Variants in CNKSR2 observed in about 807,000 individuals in gnomAD.
CNKSR2 encodes CNK homolog protein 2.
A neutral mutation model predicts 84.4 loss-of-function variants in CNKSR2; 14 were observed. The observed-to-expected ratio is 0.17, with a 90% CI of 0.11 to 0.26. CNKSR2 has a LOEUF of 0.26. Among genes scored for constraint, CNKSR2 ranks in the 10% least tolerant of loss-of-function variants. The probability of loss-of-function intolerance (pLI) is 1.00; values close to 1 mark genes in which losing one functional copy is unlikely to be tolerated. For missense variants in CNKSR2, 485 were observed against 771.2 expected (o/e 0.63, Z 4.40); for synonymous variants, 275 against 277.9 (o/e 0.99, Z 0.10).
Position 21,527,724 on chromosome X carries a change from G to A in CNKSR2, c.1091+724G>A, listed in dbSNP as rs141582075. On this transcript the variant is annotated intron_variant, in intron 10 of 21. Transcript: ENST00000379510. Reference sequence around the variant, plus strand: ...GTGAAATACAAAAATTATGGAAAAGGACTAGCACTAAATGGGGATCATTAA... The same window carrying A: ...GTGAAATACAAAAATTATGGAAAAGAACTAGCACTAAATGGGGATCATTAA... Among the ~76,000 whole-genome samples the A allele has an allele frequency of 5.4e-3, 596 of 110,848 alleles. 1 individual carries two copies. Among genetic ancestry groups the A allele is most frequent in the Non-Finnish European group, 8.7e-3 (457 of 52,648 alleles).
chrX:21,489,803 G>A (rs1330202001), intron 5 of CNKSR2, among the ~76,000 whole-genome samples: 1 of 111,615 alleles, frequency 9.0e-6, no homozygotes, highest in East Asian at 2.8e-4. Flanking sequence ...TCTACCTGAT[G>A]TAGGTGGTAG....
intron 20 of CNKSR2, chrX:21,641,405 C>A: frequency 1.2e-6 from 1 of 810,585 alleles, no homozygotes; most frequent in Non-Finnish European, 1.7e-6. Context: ...GCAATTCTAG[C>A]CATATTTTTC....
chrX:21,464,746 G>A (rs758916386), intron 4 of CNKSR2, among the ~76,000 whole-genome samples: 3 of 111,844 alleles, frequency 2.7e-5, no homozygotes, highest in Admixed American at 1.9e-4. Flanking sequence ...ATATTAGATA[G>A]GCTGCCTTGA....
chrX:21,396,081 T>G (rs2090118269), intron 1 of CNKSR2, among the ~76,000 whole-genome samples: 1 of 111,101 alleles, frequency 9.0e-6, no homozygotes, highest in African/African-American at 3.3e-5. Context: ...TGAAAACTTT[T>G]AACAGTTACA....
At chrX:21,617,079 A>G (rs1161129110) in intron 20 of CNKSR2, among the ~76,000 whole-genome samples, 2 of 111,883 alleles carry the variant, frequency 1.8e-5, no homozygotes, top group East Asian at 5.6e-4. Flanking sequence ...CCTCACTAGC[A>G]TAGGTAAGGC....
At chrX:21,451,431 AAGACTTGG>A (rs2090927226) in intron 4 of CNKSR2, among the ~76,000 whole-genome samples, 1 of 110,573 alleles carries the variant, frequency 9.0e-6, no homozygotes, top group Non-Finnish European at 1.9e-5. Flanking sequence ...CACAATAGCA[AAGACTTGG>A]AGCCAACCCA....
At chrX:21,391,287 C>CA (rs1325145612) in intron 1 of CNKSR2, among the ~76,000 whole-genome samples, 1 of 112,800 alleles carries the variant, frequency 8.9e-6, no homozygotes, top group African/African-American at 3.2e-5. Flanking sequence ...ATTTCCCCCC[C>CA]ACATTGCCCT....
At chrX:21,637,000 AAAC>A (rs1229682615) in intron 20 of CNKSR2, among the ~76,000 whole-genome samples, 1 of 112,030 alleles carries the variant, frequency 8.9e-6, no homozygotes, top group Non-Finnish European at 1.9e-5. Flanking sequence ...TTGTAAATTA[AAAC>A]AACATGTTAA....
intron 18 of CNKSR2, among the ~76,000 whole-genome samples, chrX:21,603,383 GTTAT>G (rs750900064): frequency 8.9e-6 from 1 of 111,957 alleles, no homozygotes; most frequent in Non-Finnish European, 1.9e-5. Flanking sequence ...CTTCTGTAGA[GTTAT>G]TTGAGTAGAG....
intron 1 of CNKSR2, among the ~76,000 whole-genome samples, chrX:21,418,461 A>G (rs894953272): frequency 3.6e-5 from 4 of 111,489 alleles, no homozygotes; most frequent in Non-Finnish European, 7.5e-5. Context: ...TTCCTTTAGC[A>G]TTTCTTGCAG....
intron 11 of CNKSR2, among the ~76,000 whole-genome samples, chrX:21,548,554 C>T (rs970687554): frequency 3.6e-5 from 4 of 111,695 alleles, no homozygotes; most frequent in Non-Finnish European, 7.5e-5. Context: ...AGAGGGACTC[C>T]TCCCTAACTC....
At chrX:21,605,014 T>G (rs2092507966) in intron 18 of CNKSR2, among the ~76,000 whole-genome samples, 1 of 112,076 alleles carries the variant, frequency 8.9e-6, no homozygotes, top group Admixed American at 9.5e-5. Context: ...TATTGAGTGC[T>G]ATCAAGATGC....
At chrX:21,545,907 A>G (rs2147152141) in intron 11 of CNKSR2, among the ~76,000 whole-genome samples, 1 of 111,651 alleles carries the variant, frequency 9.0e-6, no homozygotes, top group East Asian at 2.9e-4. Context: ...CCACACAAAA[A>G]CCTCATCCAA....
chrX:21,490,004 A>T (rs2147039453), intron 5 of CNKSR2, among the ~76,000 whole-genome samples: 1 of 111,945 alleles, frequency 8.9e-6, no homozygotes, highest in East Asian at 2.8e-4. Context: ...TAGATAAATA[A>T]GTAGGAAGAG....
At chrX:21,648,186 AT>A (rs1462847690) in intron 20 of CNKSR2, among the ~76,000 whole-genome samples, 2 of 111,703 alleles carry the variant, frequency 1.8e-5, no homozygotes, top group African/African-American at 6.5e-5. Flanking sequence ...TAATTAAAAT[AT>A]TGATAATTTA....
At chrX:21,522,341 A>G in intron 9 of CNKSR2, among the ~76,000 whole-genome samples, 2 of 111,043 alleles carry the variant, frequency 1.8e-5, no homozygotes, top group South Asian at 7.4e-4. Flanking sequence ...AGGCAAAGCA[A>G]GTTCTGTGTG....
At chrX:21,421,933 C>T (rs2090502986) in intron 1 of CNKSR2, 1 of 111,231 alleles carries the variant, frequency 9.0e-6, no homozygotes, top group South Asian at 3.9e-4. Flanking sequence ...GCTTTTCAGG[C>T]TCCTGTCAAT....
At chrX:21,541,229 C>T (rs769148918) in intron 11 of CNKSR2, among the ~76,000 whole-genome samples, 118 of 111,650 alleles carry the variant, frequency 1.1e-3, no homozygotes, top group Non-Finnish European at 1.9e-3. Flanking sequence ...GATCTGCCCA[C>T]CTCAGCCTCC....
rs1049227796 is a variant in CNKSR2, at chrX:21,562,280, G to A, written c.1393+720G>A. Reference sequence around the variant, plus strand: ...TTCTGAAGTAGAGAGCCGTAAGGTCGTAGGTGGAAAATAAAACAAATCAAA... The same window carrying A: ...TTCTGAAGTAGAGAGCCGTAAGGTCATAGGTGGAAAATAAAACAAATCAAA... On this transcript the variant is annotated intron_variant, in intron 12 of 21. Coordinates refer to ENST00000379510, the MANE Select transcript of CNKSR2 (RefSeq NM_014927.5). Among the ~76,000 whole-genome samples the A allele has an allele frequency of 8.1e-5, 9 of 111,170 alleles. No homozygotes were observed. In the East Asian group the frequency reaches 8.5e-4, roughly 10 times the overall value.
Sources: allele counts gnomAD v4.1 joint callset (sites outside exome capture counted in the v4.1 genomes callset), GRCh38; gene constraint gnomAD v4.1.1; transcripts MANE v1.5; gene names NCBI Gene and HGNC (gene_info 2026-07-23, HGNC 2026-07-21).